The following DCLK1 variants were observed in gnomAD, a reference collection of about 807,000 sequenced individuals.
DCLK1 encodes doublecortin like kinase 1.
Under a neutral mutation model 86.2 loss-of-function variants are expected in DCLK1, and 16 were observed. The observed-to-expected ratio is 0.19, with a 90% CI of 0.13 to 0.28. The LOEUF (loss-of-function observed/expected upper bound fraction) is 0.28. Among genes scored for constraint, DCLK1 ranks in the 10% least tolerant of loss-of-function variants. The probability of loss-of-function intolerance (pLI) is 1.00; values close to 1 mark genes in which losing one functional copy is unlikely to be tolerated. For synonymous variants in DCLK1, 369 were observed against 370.5 expected (o/e 1.00, Z 0.05); for missense variants, 590 against 940.2 (o/e 0.63, Z 4.87).
chr13:36,102,189 CTT>C (rs60965913), intron 3 of DCLK1, among the ~76,000 whole-genome samples: 35,791 of 138,194 alleles, frequency 0.26, 4,496 homozygotes, highest in East Asian at 0.51. Context: ...CTAGTCTAAT[CTT>C]TTTTTTTTTT....
intron 3 of DCLK1, among the ~76,000 whole-genome samples, chr13:36,008,230 T>TTA (rs1566643405): frequency 7.7e-6 from 1 of 130,068 alleles, no homozygotes; most frequent in South Asian, 2.5e-4. Flanking sequence ...TATTATTATT[T>TTA]TTTTAATTAT....
intron 10 of DCLK1, among the ~76,000 whole-genome samples, chr13:35,825,009 G>T (rs1176569829): frequency 6.6e-6 from 1 of 152,156 alleles, no homozygotes; most frequent in Non-Finnish European, 1.5e-5. Flanking sequence ...CCTCCACGAG[G>T]CCTGCCTTCC....
intron 3 of DCLK1, among the ~76,000 whole-genome samples, chr13:36,037,825 T>C (rs1478309026): frequency 1.3e-5 from 2 of 152,052 alleles, no homozygotes; most frequent in East Asian, 1.9e-4. Context: ...TTTATCTAAT[T>C]ATCACATGTA....
At position 35,829,022 on chromosome 13, in the gene DCLK1, C is replaced by G. The variant is rs555152995; in HGVS notation, c.1230-715G>C. On this transcript the variant is annotated intron_variant, in intron 8 of 16. Transcript: ENST00000360631. Reference sequence around the variant, plus strand: ...ATCTATTTCAGAGCTCCCTGGGGACCCCTGGGCCCTTTTATGGGCTGTCTC... The same window carrying G: ...ATCTATTTCAGAGCTCCCTGGGGACGCCTGGGCCCTTTTATGGGCTGTCTC... 5.1e-4 allele frequency among the ~76,000 whole-genome samples: 78 copies of G among 151,936 alleles called. 1 individual carries two copies. Among genetic ancestry groups the G allele is most frequent in the Non-Finnish European group, 9.6e-4 (65 of 68,016 alleles).
intron 4 of DCLK1, among the ~76,000 whole-genome samples, chr13:35,901,002 AG>A (rs894389514): frequency 2.8e-4 from 43 of 152,222 alleles, no homozygotes; most frequent in African/African-American, 9.1e-4. Context: ...TTTTTTCTTA[AG>A]GCAGGTGTTG....
chr13:36,016,709 T>C (rs1881550386), intron 3 of DCLK1, among the ~76,000 whole-genome samples: 2 of 152,220 alleles, frequency 1.3e-5, no homozygotes, highest in South Asian at 2.1e-4. Flanking sequence ...AAGCCACATA[T>C]GTGATTTTAA....
At chr13:36,098,148 G>T (rs1314531364) in intron 3 of DCLK1, among the ~76,000 whole-genome samples, 1 of 152,160 alleles carries the variant, frequency 6.6e-6, no homozygotes, top group Non-Finnish European at 1.5e-5. Context: ...CCCTGGGCTG[G>T]ATTCAACATA....
At chr13:36,075,040 G>C (rs184976173) in intron 3 of DCLK1, among the ~76,000 whole-genome samples, 1 of 152,176 alleles carries the variant, frequency 6.6e-6, no homozygotes, top group Non-Finnish European at 1.5e-5. Context: ...TTTAAGGGGG[G>C]AAAAACCCAA....
chr13:35,797,720 A>C (rs1484694512), intron 15 of DCLK1, among the ~76,000 whole-genome samples: 1 of 152,070 alleles, frequency 6.6e-6, no homozygotes, highest in African/African-American at 2.4e-5. Flanking sequence ...TTTTTATATA[A>C]ATTTTGAAGG....
chr13:35,916,772 C>A (rs145844138), intron 4 of DCLK1, among the ~76,000 whole-genome samples: 28 of 152,258 alleles, frequency 1.8e-4, no homozygotes, highest in African/African-American at 6.3e-4. Context: ...AAAAAATGCT[C>A]ATGGGATTGT....
intron 4 of DCLK1, among the ~76,000 whole-genome samples, chr13:35,935,032 G>A (rs918097429): frequency 3.9e-5 from 6 of 152,170 alleles, no homozygotes; most frequent in African/African-American, 1.4e-4. Flanking sequence ...CAAGGATGGT[G>A]ATGTTTGACT....
intron 14 of DCLK1, 49 bp downstream of exon 14, chr13:35,808,175 C>T (rs4421866): frequency 0.26 from 386,178 of 1,508,994 alleles, 52,211 homozygotes; most frequent in East Asian, 0.36. Flanking sequence ...AAAAATAATT[C>T]CGTTAAGACA....
intron 6 of DCLK1, chr13:35,846,812 A>C: frequency 1.0e-6 from 1 of 985,208 alleles, no homozygotes; most frequent in Non-Finnish European, 1.2e-6. Context: ...TTCGATTAAC[A>C]TTTTCAAGTG....
chr13:35,926,250 G>A (rs1053189263), intron 4 of DCLK1, among the ~76,000 whole-genome samples: 7 of 119,570 alleles, frequency 5.9e-5, no homozygotes, highest in Non-Finnish European at 1.0e-4. Context: ...GTAGAGATGG[G>A]TTTCGCCATG....
chr13:35,919,918 T>C (rs1327545158), intron 4 of DCLK1, among the ~76,000 whole-genome samples: 4 of 142,752 alleles, frequency 2.8e-5, no homozygotes, highest in Non-Finnish European at 6.2e-5. Flanking sequence ...GTGGGGGGGT[T>C]GTGAGAATTA....
At chr13:35,905,593 C>T (rs932474541) in intron 4 of DCLK1, among the ~76,000 whole-genome samples, 2 of 152,202 alleles carry the variant, frequency 1.3e-5, no homozygotes, top group African/African-American at 2.4e-5. Context: ...AAATCAACCC[C>T]GAGGGCCACC....
At chr13:35,872,055 C>T (rs541560959) in intron 4 of DCLK1, among the ~76,000 whole-genome samples, 1 of 152,314 alleles carries the variant, frequency 6.6e-6, no homozygotes, top group East Asian at 1.9e-4. Context: ...TGCTGAACAT[C>T]TTAAATGGCA....
intron 3 of DCLK1, among the ~76,000 whole-genome samples, chr13:36,028,832 G>A (rs986245940): frequency 6.6e-6 from 1 of 152,192 alleles, no homozygotes; most frequent in Non-Finnish European, 1.5e-5. Context: ...TAATGCATTA[G>A]CATGTTAAGA....
intron 13 of DCLK1, 140 bp downstream of exon 13, chr13:35,808,878 G>T: frequency 1.8e-6 from 1 of 571,218 alleles, no homozygotes; most frequent in Non-Finnish European, 3.0e-6. Flanking sequence ...GACATAACAG[G>T]GAAAAAATAA....
Sources: gnomAD v4.1 joint callset for allele counts (sites outside exome capture counted in the v4.1 genomes callset) on GRCh38, gnomAD v4.1.1 for gene constraint, MANE v1.5 for transcripts, NCBI Gene and HGNC (gene_info 2026-07-23, HGNC 2026-07-21) for gene names.